Variants in UGP2 observed in about 807,000 individuals in gnomAD.
UGP2 encodes UDP-glucose pyrophosphorylase 2, also known as UTP--glucose-1-phosphate uridylyltransferase.
Under a neutral mutation model 49.0 loss-of-function variants are expected in UGP2, and 40 were observed. The ratio of observed to expected loss-of-function variants is 0.82; its 90% CI spans 0.63 to 1.06. The LOEUF is 1.06. UGP2 is among the 50% of genes least tolerant of loss of function. UGP2 has a pLI of 0.00. For synonymous variants in UGP2, 225 were observed against 213.0 expected (o/e 1.06, Z -0.49); for missense variants, 460 against 603.5 (o/e 0.76, Z 2.49).
chr2:63,848,098 TTAG>T (rs1273196487), intron 1 of UGP2, among the ~76,000 whole-genome samples: 1 of 152,164 alleles, frequency 6.6e-6, no homozygotes, highest in Non-Finnish European at 1.5e-5. Context: ...TATGAATAAA[TTAG>T]TAGGGCAAGT....
At chr2:63,856,648 A>G in intron 2 of UGP2, 2 of 568,790 alleles carry the variant, frequency 3.5e-6, no homozygotes, top group Middle Eastern at 2.7e-4. Flanking sequence ...AAGCCTAGGA[A>G]GTTTTCAAAG....
chr2:63,844,380 T>G (rs1304791135), intron 1 of UGP2, among the ~76,000 whole-genome samples: 3 of 152,228 alleles, frequency 2.0e-5, no homozygotes, highest in African/African-American at 7.2e-5. Flanking sequence ...TCACTGGCAC[T>G]TAGTAGTTCA....
chr2:63,887,527 A>G lies in UGP2; in HGVS notation c.1197A>G (p.Ser399=), dbSNP rs759275408. Residue 399 remains serine, a synonymous_variant, in exon 8 of 10, where the codon TCA becomes TCG. Transcript: ENST00000337130. ...RSRFLPVKTT[S]DLLLVMSNLY... is the part of the protein sequence containing the mutation. ...GTTTTCTGCCTGTCAAAACCACATC[A>G]GATCTCTTGCTGGTGATGTCAAACC... 10 of 1,614,016 alleles carry G rather than the reference A, an allele frequency of 6.2e-6. No homozygotes were observed. The highest frequency in any genetic ancestry group is 8.5e-6 in the Non-Finnish European group (10 of 1,180,026).
At chr2:63,857,155 G>A (rs1007147548) in intron 2 of UGP2, among the ~76,000 whole-genome samples, 10 of 152,068 alleles carry the variant, frequency 6.6e-5, no homozygotes, top group Non-Finnish European at 1.5e-4. Context: ...ACAAAAATTA[G>A]CCAGGCATGG....
intron 3 of UGP2, among the ~76,000 whole-genome samples, chr2:63,861,327 CAG>C (rs914800369): frequency 6.6e-6 from 1 of 151,946 alleles, no homozygotes; most frequent in African/African-American, 2.4e-5. Flanking sequence ...GGAAATAGAT[CAG>C]AGTTACGAGG....
chr2:63,888,086 A>ATACC (rs1284148986), intron 8 of UGP2: 1 of 157,532 alleles, frequency 6.3e-6, no homozygotes, highest in Non-Finnish European at 1.4e-5. Flanking sequence ...AATGTATGAT[A>ATACC]TACCAAGTGG....
chr2:63,870,179 C>A (rs1365955574), intron 3 of UGP2, among the ~76,000 whole-genome samples: 1 of 152,160 alleles, frequency 6.6e-6, no homozygotes, highest in East Asian at 1.9e-4. Flanking sequence ...GACTCTGTCT[C>A]CCAAAGTGCT....
chr2:63,877,576 T>C (rs757867696), intron 3 of UGP2, among the ~76,000 whole-genome samples: 4 of 152,256 alleles, frequency 2.6e-5, no homozygotes, highest in Non-Finnish European at 4.4e-5. Context: ...AGAAATTTGG[T>C]GATGGAGTAA....
At chr2:63,860,300 C>T (rs1328879446) in intron 3 of UGP2, among the ~76,000 whole-genome samples, 1 of 152,178 alleles carries the variant, frequency 6.6e-6, no homozygotes, top group Non-Finnish European at 1.5e-5. Flanking sequence ...TGACAATTAG[C>T]AGAGTCAGCC....
chr2:63,847,022 C>T, intron 1 of UGP2, among the ~76,000 whole-genome samples: 1 of 151,968 alleles, frequency 6.6e-6, no homozygotes, highest in South Asian at 2.1e-4. Context: ...CAACATGGAC[C>T]TTGTAATCTC....
At chr2:63,862,866 AG>A (rs1669945265) in intron 3 of UGP2, 1 of 456,360 alleles carries the variant, frequency 2.2e-6, no homozygotes. Context: ...GGGAGATACA[AG>A]ATGATTTTAG....
At chr2:63,860,453 T>C (rs1669758293) in intron 3 of UGP2, among the ~76,000 whole-genome samples, 1 of 152,344 alleles carries the variant, frequency 6.6e-6, no homozygotes, top group East Asian at 1.9e-4. Flanking sequence ...GAAATACTTA[T>C]TATCTAGCCT....
At position 63,884,048 on chromosome 2, in the gene UGP2, A is replaced by ATTTTT; in HGVS notation, c.530_531insTTTTT (p.Lys177AsnfsTer9). 6.2e-7 allele frequency: 1 copy of ATTTTT among 1,613,136 alleles called. No individual in the cohort carries two copies. The highest frequency in any genetic ancestry group is 2.2e-5 in the East Asian group (1 of 44,788). On this transcript the variant is annotated frameshift_variant, in exon 5 of 10. Coordinates refer to ENST00000337130, the MANE Select transcript of UGP2 (RefSeq NM_006759.4). LOFTEE classifies it high-confidence loss of function. ...GAAGATACCAAAAAAATACTACAGA[A>ATTTTT]GTACAATCATTGTCGTGTGAAAATC...
intron 3 of UGP2, among the ~76,000 whole-genome samples, chr2:63,861,780 A>ATG (rs1467244067): frequency 6.6e-6 from 1 of 151,936 alleles, no homozygotes; most frequent in Non-Finnish European, 1.5e-5. Flanking sequence ...GGGAGGAGTT[A>ATG]TGTAGGGTCA....
intron 1 of UGP2, chr2:63,846,128 C>G (rs1671914584): frequency 6.6e-6 from 1 of 152,198 alleles, no homozygotes; most frequent in African/African-American, 2.4e-5. Context: ...TTCTGCTCTT[C>G]CTTGCTCCAG....
At chr2:63,891,053 A>T in intron 9 of UGP2, 67 bp from the exon 10 acceptor site, 1 of 1,311,898 alleles carries the variant, frequency 7.6e-7, no homozygotes, top group Non-Finnish European at 1.0e-6. Flanking sequence ...CATAAACTTG[A>T]TCACTGTAAG....
At chr2:63,890,996 A>G in intron 9 of UGP2, 124 bp from the exon 10 acceptor site, 2 of 621,050 alleles carry the variant, frequency 3.2e-6, no homozygotes, top group Non-Finnish European at 5.4e-6. Flanking sequence ...CATGTTTAAT[A>G]TTGTTTATAA....
chr2:63,886,203 C>T (rs1432001793), intron 6 of UGP2, 138 bp from the exon 7 acceptor site: 1 of 906,422 alleles, frequency 1.1e-6, no homozygotes, highest in African/African-American at 1.7e-5. Flanking sequence ...AATGTTATTT[C>T]ATTGTCCCTT....
chr2:63,852,507 T>G (rs928720098), intron 1 of UGP2, among the ~76,000 whole-genome samples: 1 of 152,244 alleles, frequency 6.6e-6, no homozygotes, highest in African/African-American at 2.4e-5. Flanking sequence ...AGCTTGGCTT[T>G]TGAGACATGC....
Sources: allele counts gnomAD v4.1 joint callset (sites outside exome capture counted in the v4.1 genomes callset), GRCh38; gene constraint gnomAD v4.1.1; transcripts MANE v1.5; gene names NCBI Gene and HGNC (gene_info 2026-07-23, HGNC 2026-07-21).